Variants in RECQL5 observed in about 807,000 individuals in gnomAD.
RECQL5 encodes ATP-dependent DNA helicase Q5.
In RECQL5, 88 loss-of-function variants were observed where a neutral mutation model predicts 103.4. The ratio of observed to expected loss-of-function variants is 0.85; its 90% confidence interval spans 0.72 to 1.02. The LOEUF is 1.02. RECQL5 is among the 50% of genes least tolerant of loss of function. The probability of loss-of-function intolerance (pLI) is 0.00; values close to 1 mark genes in which losing one functional copy is unlikely to be tolerated. For synonymous variants in RECQL5, 552 were observed against 507.9 expected, an observed-to-expected ratio of 1.09 and a Z score of -1.17; for missense variants, 1,232 against 1,284.3, an observed-to-expected ratio of 0.96 and a Z score of 0.62.
At chr17:75,651,112 G>A in intron 8 of RECQL5, 74 bp downstream of exon 8, 2 of 1,612,596 alleles carry the variant, frequency 1.2e-6, no homozygotes, top group Non-Finnish European at 1.7e-6. Flanking sequence ...TATGTCAGCT[G>A]CTTAACTAGG....
chr17:75,633,516 G>A, intron 8 of RECQL5: 3 of 1,288,216 alleles, frequency 2.3e-6, no homozygotes, highest in East Asian at 5.6e-5. Context: ...GGTCACTCAG[G>A]ATTCCAAGTT....
At chr17:75,632,970 G>A (rs2059247092) in intron 8 of RECQL5, among the ~76,000 whole-genome samples, 1 of 152,254 alleles carries the variant, frequency 6.6e-6, no homozygotes, top group African/African-American at 2.4e-5. Context: ...CCAAGGCGCA[G>A]GCTCAAGGAT....
Position 75,630,847 on chromosome 17 carries a change from G to T in RECQL5, c.1586-10C>A, listed in dbSNP as rs770972526. ...AGGGGACAGTTCTCATCTGTGGGGG[G>T]GGGGGGTGGTCCTTGGTCCTTTCGC... On this transcript the variant is annotated splice_polypyrimidine_tract_variant and intron_variant, in intron 11 of 19. Coordinates refer to ENST00000317905, the MANE Select transcript of RECQL5 (RefSeq NM_004259.7). The T allele has an allele frequency of 6.7e-5, 97 of 1,457,650 alleles. No individual in the cohort carries two copies. In the East Asian group the frequency reaches 1.2e-3, roughly 18 times the overall value. The allele number at this position is 1,457,650 out of a possible 1,614,324, so 90.3% of individuals were successfully genotyped here. A position where few individuals can be genotyped will look rare whatever the true frequency, so the allele number is the denominator to read the frequency against.
At chr17:75,662,457 G>A in intron 4 of RECQL5, 22 bp downstream of exon 4, 1 of 1,605,044 alleles carries the variant, frequency 6.2e-7, no homozygotes, top group Non-Finnish European at 8.5e-7. Context: ...ACAGCTGCTT[G>A]GCCTCCACCT....
chr17:75,661,810 C>A (rs969118806), intron 4 of RECQL5, 102 bp from the exon 5 acceptor site: 9 of 829,854 alleles, frequency 1.1e-5, no homozygotes, highest in Admixed American at 4.5e-5. Context: ...TTCCTTCTCT[C>A]GTCGGCTTCA....
At chr17:75,649,505 TCTG>T in intron 8 of RECQL5, 3 of 415,350 alleles carry the variant, frequency 7.2e-6, no homozygotes, top group Non-Finnish European at 6.5e-6. Context: ...TGCACCCACT[TCTG>T]CTGAGCCCAC....
chr17:75,629,400 T>G lies in RECQL5; in HGVS notation c.2023A>C (p.Thr675Pro). The change falls in exon 16 of 20, where the codon ACA becomes CCA. Residue 675 changes from threonine to proline, a missense_variant. By Grantham distance (38) the Thr-to-Pro change is conservative (BLOSUM62 -1). Transcript: ENST00000317905. The part of the protein sequence containing the change: ...PFQTATELME[T>P]TRIREQAPQP... Reference sequence around the variant, plus strand: ...GGGGCTTGCTCCCTGATCCGAGTTGTCTCCATCAGTTCCGTGGCCGTCTGG... The same window carrying G: ...GGGGCTTGCTCCCTGATCCGAGTTGGCTCCATCAGTTCCGTGGCCGTCTGG... 1 of 1,507,966 alleles carries G rather than the reference T, an allele frequency of 6.6e-7. No homozygotes were observed. The highest frequency in any genetic ancestry group is 8.9e-7 in the Non-Finnish European group (1 of 1,129,372). 93.4% of individuals were successfully genotyped at this position (1,507,966 alleles called of 1,614,324 possible).
intron 7 of RECQL5, 76 bp downstream of exon 7, chr17:75,658,222 A>G: frequency 6.7e-7 from 1 of 1,500,554 alleles, no homozygotes; most frequent in Non-Finnish European, 9.1e-7. Context: ...AAGCATCATC[A>G]GAGTTCAGAA....
intron 4 of RECQL5, among the ~76,000 whole-genome samples, chr17:75,662,207 C>T (rs1366011068): frequency 6.6e-6 from 1 of 152,178 alleles, no homozygotes; most frequent in Non-Finnish European, 1.5e-5. Flanking sequence ...ACCTGTTTAA[C>T]TTCTCTGCCT....
chr17:75,649,660 GC>G, intron 8 of RECQL5: 1 of 985,454 alleles, frequency 1.0e-6, no homozygotes, highest in Non-Finnish European at 1.2e-6. Context: ...TGTGCTACAC[GC>G]CAGTTATGCA....
At chr17:75,644,656 C>T (rs984999766) in intron 8 of RECQL5, among the ~76,000 whole-genome samples, 21 of 152,076 alleles carry the variant, frequency 1.4e-4, no homozygotes, top group African/African-American at 4.8e-4. Flanking sequence ...AAAAACTTGG[C>T]AGAGAGTATA....
At chr17:75,650,002 C>G in intron 8 of RECQL5, 1 of 985,624 alleles carries the variant, frequency 1.0e-6, no homozygotes, top group Non-Finnish European at 1.2e-6. Context: ...AGTTAACCCT[C>G]CAGAGAGCAT....
chr17:75,640,650 C>T lies in RECQL5; in HGVS notation c.1230-8982G>A. 2 of 1,458,652 alleles carry T rather than the reference C, an allele frequency of 1.4e-6. No homozygotes were observed. Among genetic ancestry groups the T allele is most frequent in the Non-Finnish European group, 1.8e-6 (2 of 1,101,428 alleles). 90.4% of individuals were successfully genotyped at this position (1,458,652 alleles called of 1,614,324 possible). On this transcript the variant is annotated intron_variant, in intron 8 of 19. Transcript: ENST00000317905. This position sits in a 1 kb window ranked among gnomAD's most constrained non-coding sequence, Gnocchi z 4.6. Reference sequence around the variant, plus strand: ...GCTGGCATGGGGACCGTCCGCACCTCTCACCAGCCTCTCGGATCTTTCTGA... The same window carrying T: ...GCTGGCATGGGGACCGTCCGCACCTTTCACCAGCCTCTCGGATCTTTCTGA...
In RECQL5 at chr17:75,630,688, C is replaced by T. The variant is rs779340422; in HGVS notation, c.1649G>A (p.Arg550Gln). 7.4e-6 allele frequency: 12 copies of T among 1,613,380 alleles called. No homozygotes were observed. The highest frequency in any genetic ancestry group is 1.6e-4 in the Middle Eastern group (1 of 6,072). Reference sequence around the variant, plus strand: ...CTCCAGAAGCCGCAGGCAGTGCTCCCGTGCCTGGCACAGGACAGTGAGACT... The same window carrying T: ...CTCCAGAAGCCGCAGGCAGTGCTCCTGTGCCTGGCACAGGACAGTGAGACT... ...RRIPRLTVKA[R>Q]EHCLRLLEEA... Residue 550 changes from arginine (R) to glutamine (Q), a missense_variant, in exon 13 of 20, where the codon CGG (arginine) becomes CAG (glutamine). Coordinates refer to ENST00000317905, the MANE Select transcript of RECQL5 (RefSeq NM_004259.7).
rs2059410806 is a variant in RECQL5 at position 75,640,272 on chromosome 17, TGCCCCAG to T, written c.1230-8611_1230-8605del. The T allele has an allele frequency of 1.3e-6, 2 of 1,551,384 alleles. No homozygotes were observed. Among genetic ancestry groups the T allele is most frequent in the African/African-American group, 2.7e-5 (2 of 73,038 alleles). ...AGGCTGCTGCTCAAGCTGCAGAGAC[TGCCCCAG>T]GCTGAGCCCGTGGAGATCGTGGCCT... On this transcript the variant is annotated intron_variant, in intron 8 of 19. Coordinates refer to ENST00000317905, the MANE Select transcript of RECQL5 (RefSeq NM_004259.7). This position sits in a 1 kb window ranked among gnomAD's most constrained non-coding sequence, Gnocchi z 4.6.
At chr17:75,632,125 A>G (rs1331670704) in intron 8 of RECQL5, among the ~76,000 whole-genome samples, 10 of 152,236 alleles carry the variant, frequency 6.6e-5, no homozygotes, top group African/African-American at 1.7e-4. Flanking sequence ...TCTGAAGTGC[A>G]TTACAGTACA....
rs775790713 is a variant in RECQL5, at chr17:75,628,712, G to GCAGGGGTGGGCTGGACTT, written c.2522_2539dup (p.Glu841_Pro846dup). 1.3e-6 allele frequency: 2 copies of GCAGGGGTGGGCTGGACTT among 1,590,624 alleles called. No homozygotes were observed. Among genetic ancestry groups the GCAGGGGTGGGCTGGACTT allele is most frequent in the Admixed American group, 3.9e-5 (2 of 51,320 alleles). Reference sequence around the variant, plus strand: ...CCGCTTGCCCTTCCATGTGTCCTTTGCAGGGGTGGGCTGGACTTCAGGGGT... The same window carrying GCAGGGGTGGGCTGGACTT: ...CCGCTTGCCCTTCCATGTGTCCTTTGCAGGGGTGGGCTGGACTTCAGGGGTGGGCTGGACTTCAGGGGT... On this transcript the variant is annotated inframe_insertion, in exon 17 of 20. Coordinates refer to ENST00000317905, the MANE Select transcript of RECQL5 (RefSeq NM_004259.7).
intron 8 of RECQL5, among the ~76,000 whole-genome samples, chr17:75,645,755 G>A (rs2059481579): frequency 6.6e-6 from 1 of 152,224 alleles, no homozygotes; most frequent in African/African-American, 2.4e-5. Flanking sequence ...GCCTCCATCT[G>A]TCATCCAACC....
At chr17:75,659,577 C>T (rs1356465268) in intron 6 of RECQL5, among the ~76,000 whole-genome samples, 2 of 152,166 alleles carry the variant, frequency 1.3e-5, no homozygotes, top group African/African-American at 4.8e-5. Context: ...TGGTCTCGAA[C>T]TCCTGGGCTC....
Sources: allele counts gnomAD v4.1 joint callset (sites outside exome capture counted in the v4.1 genomes callset), GRCh38; gene constraint gnomAD v4.1.1; non-coding constraint Gnocchi (gnomAD v3.1); transcripts MANE v1.5; gene names NCBI Gene and HGNC (gene_info 2026-07-23, HGNC 2026-07-21).